The following USP33 variants were observed in gnomAD, a reference collection of about 807,000 sequenced individuals.
The protein encoded by USP33 is ubiquitin carboxyl-terminal hydrolase 33.
Under a neutral mutation model 124.2 loss-of-function variants are expected in USP33, and 46 were observed. The observed-to-expected ratio is 0.37, with a 90% confidence interval of 0.29 to 0.47. The LOEUF (loss-of-function observed/expected upper bound fraction) is 0.47. Among genes scored for constraint, USP33 ranks in the 20% least tolerant of loss-of-function variants. The pLI is 0.99. For synonymous variants in USP33, 350 were observed against 352.3 expected, an observed-to-expected ratio of 0.99 and a Z score of 0.07; for missense variants, 851 against 1,070.6, an observed-to-expected ratio of 0.79 and a Z score of 2.86.
At chr1:77,706,451 C>T (rs887939833) in intron 21 of USP33, among the ~76,000 whole-genome samples, 4 of 152,126 alleles carry the variant, frequency 2.6e-5, no homozygotes, top group African/African-American at 4.8e-5. Context: ...TTTGATGACA[C>T]GTGATTTGTA....
At chr1:77,750,632 G>GAAAGAAAGAAAT (rs1680222877) in intron 1 of USP33, among the ~76,000 whole-genome samples, 1 of 83,968 alleles carries the variant, frequency 1.2e-5, no homozygotes, top group African/African-American at 5.3e-5. Context: ...AAAAAAGAAA[G>GAAAGAAAGAAAT]AAAGAAAGAA....
chr1:77,748,781 C>CG lies in USP33; in HGVS notation c.-51-7034_-51-7033insC, dbSNP rs967885771. The stretch of plus-strand genomic sequence containing the variant: ...CTTTTTTGGCAGCATTCCTTCCCTC[C>CG]CCCCCCCCCCCGTGCTTGAATCAGG... On this transcript the variant is annotated intron_variant, in intron 1 of 23. Coordinates refer to ENST00000370794, the MANE Select transcript of USP33 (RefSeq NM_201624.3). Among the ~76,000 whole-genome samples, 30 of 38,466 alleles carry CG rather than the reference C, an allele frequency of 7.8e-4. 2 individuals are homozygous for CG. Among genetic ancestry groups the CG allele is most frequent in the African/African-American group, 5.2e-3 (29 of 5,542 alleles). 25.2% of individuals were successfully genotyped at this position (38,466 alleles called of 152,430 possible).
chr1:77,718,572 G>C (rs1163111457), intron 16 of USP33, 24 bp downstream of exon 16: 1 of 1,556,030 alleles, frequency 6.4e-7, no homozygotes, highest in African/African-American at 1.4e-5. Context: ...CACAATATAA[G>C]TTGAATTAAA....
At chr1:77,701,657 A>G (rs1040099406) in intron 21 of USP33, 186 bp from the exon 22 acceptor site, 4 of 469,658 alleles carry the variant, frequency 8.5e-6, no homozygotes, top group African/African-American at 2.0e-5. Flanking sequence ...CAAAAAAAAC[A>G]TTATTTTTTA....
At chr1:77,738,416 G>A (rs1027931180) in intron 5 of USP33, among the ~76,000 whole-genome samples, 2 of 152,008 alleles carry the variant, frequency 1.3e-5, no homozygotes, top group Non-Finnish European at 2.9e-5. Flanking sequence ...TGAAAATTAA[G>A]TGATAAATTC....
chr1:77,722,460 G>C (rs1043920620), intron 12 of USP33: 2 of 273,754 alleles, frequency 7.3e-6, no homozygotes, highest in African/African-American at 2.2e-5. Flanking sequence ...TACAATCACA[G>C]ACACTGCAGC....
Position 77,730,630 on chromosome 1 carries a change from C to A in USP33, c.626G>T (p.Trp209Leu). The A allele has an allele frequency of 6.3e-7, 1 of 1,579,072 alleles. No homozygotes were observed. The highest frequency in any genetic ancestry group is 8.6e-7 in the Non-Finnish European group (1 of 1,160,800). The change falls in exon 8 of 24, where the codon TGG (tryptophan) becomes TTG (leucine). Residue 209 changes from tryptophan (W) to leucine (L), a missense_variant. Physicochemically the swap from Trp to Leu is moderately conservative, Grantham distance 61 (BLOSUM62 -2). This residue lies in a region of USP33 where 221 missense variants were observed against 302.9 expected (regional missense o/e 0.73). Coordinates refer to ENST00000370794, the MANE Select transcript of USP33 (RefSeq NM_201624.3). Reference sequence around the variant, plus strand: ...TTAAGTTACATACCTGCTTTTATGCCACAGCTCTGTCATTAGTTTGAGATA... The same window carrying A: ...TTAAGTTACATACCTGCTTTTATGCAACAGCTCTGTCATTAGTTTGAGATA... ...KSYLKLMTEL[W>L]HKSRPGSVVP...
intron 22 of USP33, among the ~76,000 whole-genome samples, chr1:77,701,135 A>T (rs1346881246): frequency 6.6e-6 from 1 of 152,228 alleles, no homozygotes; most frequent in Non-Finnish European, 1.5e-5. Flanking sequence ...TTCAACATTA[A>T]GATCACAGAT....
At position 77,730,668 on chromosome 1, in the gene USP33, G is replaced by A; in HGVS notation, c.588C>T (p.Ala196=). Residue 196 remains alanine, a synonymous_variant, in exon 8 of 24, where the codon GCC becomes GCT. Transcript: ENST00000370794. ...TTAGTTTGAGATAACTTTTACAAAT[G>A]GCAGGTTTCTTATCTGTTCGAGCTA... The part of the protein sequence containing the change: ...GGLARTDKKP[A]ICKSYLKLMT... 6.3e-7 allele frequency: 1 copy of A among 1,597,884 alleles called. No individual in the cohort carries two copies. Among genetic ancestry groups the A allele is most frequent in the Non-Finnish European group, 8.5e-7 (1 of 1,170,412 alleles).
intron 21 of USP33, among the ~76,000 whole-genome samples, chr1:77,708,895 AGGCTG>A (rs1304458265): frequency 6.6e-6 from 1 of 151,552 alleles, no homozygotes; most frequent in Non-Finnish European, 1.5e-5. Context: ...TATGTTGTCC[AGGCTG>A]GTCTTAAACT....
At chr1:77,759,031 A>C (rs1178774537) in intron 1 of USP33, among the ~76,000 whole-genome samples, 1 of 152,188 alleles carries the variant, frequency 6.6e-6, no homozygotes, top group East Asian at 1.9e-4. Flanking sequence ...TATACGAGAA[A>C]TATAAGTAAA....
chr1:77,712,421 G>A (rs1675362543), intron 20 of USP33, among the ~76,000 whole-genome samples: 1 of 152,170 alleles, frequency 6.6e-6, no homozygotes, highest in African/African-American at 2.4e-5. Context: ...GTACTTGGGA[G>A]GGTGAGGCAC....
chr1:77,752,010 A>G (rs1368246112), intron 1 of USP33, among the ~76,000 whole-genome samples: 2 of 151,524 alleles, frequency 1.3e-5, no homozygotes, highest in Non-Finnish European at 2.9e-5. Context: ...TTTTAAGGGG[A>G]GAATATTTTC....
chr1:77,701,401 T>C lies in USP33; in HGVS notation c.2477A>G (p.Glu826Gly). The change falls in exon 22 of 24, where the codon GAA (glutamate) becomes GGA (glycine). Residue 826 changes from glutamate to glycine, a missense_variant. By Grantham distance (98) the Glu-to-Gly change is moderately conservative. Transcript: ENST00000370794. ...FYCISMQWFR[E>G]WESFVKGKDG... ...TTTACCCTTCACAAAACTTTCCCAT[T>C]CTCTAAACCACTGCATACTGATGCA... The C allele has an allele frequency of 1.9e-6, 3 of 1,612,350 alleles. No homozygotes were observed. Among genetic ancestry groups the C allele is most frequent in the Non-Finnish European group, 2.5e-6 (3 of 1,179,534 alleles).
intron 1 of USP33, among the ~76,000 whole-genome samples, chr1:77,752,408 G>C (rs1042685005): frequency 6.6e-6 from 1 of 152,060 alleles, no homozygotes; most frequent in Non-Finnish European, 1.5e-5. Flanking sequence ...CAAAGTGCTG[G>C]GATTACAGGA....
rs149977407 is a variant in USP33 at position 77,724,897 on chromosome 1, C to T, written c.1276+725G>A. On this transcript the variant is annotated intron_variant, in intron 11 of 23. Coordinates refer to ENST00000370794, the MANE Select transcript of USP33 (RefSeq NM_201624.3). ...CTCTACTAAAAATACAAAAAATTAG[C>T]CAGGCATGGTGGCGTGCACCTGTAG... 8.6e-4 allele frequency among the ~76,000 whole-genome samples: 131 copies of T among 152,088 alleles called. 1 individual carries two copies. The East Asian group carries it at 0.022, about 25-fold the overall frequency.
chr1:77,712,384 C>T (rs1317834169), intron 20 of USP33, among the ~76,000 whole-genome samples: 2 of 152,132 alleles, frequency 1.3e-5, no homozygotes, highest in Admixed American at 1.3e-4. Context: ...ATTAGCCAGG[C>T]ATGGTGATGT....
At chr1:77,739,843 G>A (rs1408676862) in intron 4 of USP33, among the ~76,000 whole-genome samples, 1 of 152,174 alleles carries the variant, frequency 6.6e-6, no homozygotes, top group African/African-American at 2.4e-5. Context: ...AAAGATAAAA[G>A]TCTAGCCTTT....
chr1:77,715,058 T>A (rs1490633497), intron 18 of USP33: 1 of 280,292 alleles, frequency 3.6e-6, no homozygotes, highest in Non-Finnish European at 6.5e-6. Flanking sequence ...TTAATCTGCT[T>A]CTGTTTCAGA....
Sources: allele counts gnomAD v4.1 joint callset (sites outside exome capture counted in the v4.1 genomes callset), GRCh38; gene constraint gnomAD v4.1.1; regional missense constraint gnomAD v4.1.1; transcripts MANE v1.5; gene names NCBI Gene and HGNC (gene_info 2026-07-23, HGNC 2026-07-21).